The following CNOT6 variants were observed in gnomAD, a reference collection of about 807,000 sequenced individuals.
CNOT6 encodes CCR4-NOT transcription complex subunit 6, also known as carbon catabolite repression 4 protein.
CNOT6 carries 12 observed loss-of-function variants against 61.2 expected under a neutral mutation model. The ratio of observed to expected loss-of-function variants is 0.20; its 90% CI spans 0.13 to 0.32. The LOEUF is 0.32. Among genes scored for constraint, CNOT6 ranks in the 10% least tolerant of loss-of-function variants. The pLI, the probability that CNOT6 is intolerant of heterozygous loss-of-function variation, is 1.00. For synonymous variants in CNOT6, 225 were observed against 240.6 expected, an observed-to-expected ratio of 0.94 and a Z score of 0.60; for missense variants, 405 against 663.9, an observed-to-expected ratio of 0.61 and a Z score of 4.28.
At chr5:180,549,554 C>G (rs1184560264) in intron 2 of CNOT6, among the ~76,000 whole-genome samples, 1 of 151,834 alleles carries the variant, frequency 6.6e-6, no homozygotes, top group African/African-American at 2.4e-5. Flanking sequence ...GAGGCTGAGG[C>G]AGGAGAATGG....
At chr5:180,499,245 G>T (rs1756756493) in intron 1 of CNOT6, among the ~76,000 whole-genome samples, 1 of 152,222 alleles carries the variant, frequency 6.6e-6, no homozygotes, top group Non-Finnish European at 1.5e-5. Context: ...AACAATGAAA[G>T]TTATAAAATG....
intron 1 of CNOT6, among the ~76,000 whole-genome samples, chr5:180,505,007 G>A (rs1007913476): frequency 1.5e-5 from 2 of 134,558 alleles, no homozygotes; most frequent in African/African-American, 2.8e-5. Context: ...TCCCCAGGCT[G>A]GAGTGCAGTG....
chr5:180,515,877 GGA>G (rs1375970165), intron 1 of CNOT6, among the ~76,000 whole-genome samples: 2 of 152,050 alleles, frequency 1.3e-5, no homozygotes, highest in African/African-American at 4.8e-5. Flanking sequence ...CATAGTAAAA[GGA>G]GAGAGAGATG....
intron 9 of CNOT6, among the ~76,000 whole-genome samples, chr5:180,568,280 AAGTAAATATT>A (rs1277071137): frequency 6.6e-6 from 1 of 151,002 alleles, no homozygotes; most frequent in Non-Finnish European, 1.5e-5. Context: ...ATAAATGTTG[AAGTAAATATT>A]AATTAAAATA....
At chr5:180,563,053 C>G (rs549902059) in intron 4 of CNOT6, among the ~76,000 whole-genome samples, 1 of 152,178 alleles carries the variant, frequency 6.6e-6, no homozygotes, top group Non-Finnish European at 1.5e-5. Context: ...ATCCTAGAAT[C>G]TTAAAACCGA....
intron 4 of CNOT6, among the ~76,000 whole-genome samples, chr5:180,563,372 G>A (rs1372554316): frequency 6.8e-6 from 1 of 147,680 alleles, no homozygotes; most frequent in Non-Finnish European, 1.5e-5. Context: ...CCGCCACCAC[G>A]CCTGGCTGTT....
intron 1 of CNOT6, among the ~76,000 whole-genome samples, chr5:180,515,192 A>C (rs1321224850): frequency 6.6e-6 from 1 of 151,844 alleles, no homozygotes; most frequent in East Asian, 1.9e-4. Context: ...TCGAGGCAGG[A>C]GGATCCCTTG....
intron 2 of CNOT6, among the ~76,000 whole-genome samples, chr5:180,536,113 A>G (rs1758682839): frequency 7.1e-6 from 1 of 141,648 alleles, no homozygotes; most frequent in Non-Finnish European, 1.5e-5. Flanking sequence ...CTCCTGCCTC[A>G]GCCTCCTGAG....
rs1759720434 is a variant in CNOT6 at position 180,553,485 on chromosome 5, A to G, written c.385+14A>G. 2 of 1,587,872 alleles carry G rather than the reference A, an allele frequency of 1.3e-6. No individual in the cohort carries two copies. Among genetic ancestry groups the G allele is most frequent in the Non-Finnish European group, 1.7e-6 (2 of 1,156,908 alleles). On this transcript the variant is annotated intron_variant, in intron 4 of 11. Coordinates refer to ENST00000261951, the MANE Select transcript of CNOT6 (RefSeq NM_001370472.1). ...TAGGCCTGAAAGGTATGACTTCCAT[A>G]TTTGTACTTCTTATGGTTTGTGTAT...
intron 2 of CNOT6, among the ~76,000 whole-genome samples, chr5:180,530,652 G>A (rs1199018192): frequency 3.3e-5 from 5 of 152,072 alleles, no homozygotes; most frequent in African/African-American, 1.2e-4. Context: ...ATAGTGGAGG[G>A]AAGGTCAGCA....
chr5:180,556,154 T>C (rs578210084), intron 4 of CNOT6, among the ~76,000 whole-genome samples: 1 of 152,292 alleles, frequency 6.6e-6, no homozygotes, highest in East Asian at 1.9e-4. Flanking sequence ...GAATATTTTG[T>C]GAAATAAGCC....
intron 9 of CNOT6, 115 bp from the exon 10 acceptor site, chr5:180,568,995 G>C: frequency 1.4e-6 from 1 of 730,424 alleles, no homozygotes; most frequent in South Asian, 1.9e-5. Flanking sequence ...GGGAATTTTA[G>C]GTGTCTTTTC....
At chr5:180,550,672 G>T (rs1284137606) in intron 3 of CNOT6, among the ~76,000 whole-genome samples, 1 of 152,098 alleles carries the variant, frequency 6.6e-6, no homozygotes, top group African/African-American at 2.4e-5. Flanking sequence ...AGAAAGTTTG[G>T]ACAGAGAGTG....
intron 4 of CNOT6, among the ~76,000 whole-genome samples, chr5:180,555,610 T>G (rs1312285376): frequency 6.6e-6 from 1 of 152,244 alleles, no homozygotes; most frequent in Non-Finnish European, 1.5e-5. Context: ...CAGTTTACAC[T>G]TTAATTCTAA....
intron 2 of CNOT6, among the ~76,000 whole-genome samples, chr5:180,536,905 G>A (rs1299698788): frequency 1.3e-5 from 2 of 152,328 alleles, no homozygotes; most frequent in South Asian, 2.1e-4. Context: ...ACAGGCATGA[G>A]CCACTGTGCC....
chr5:180,564,830 G>A (rs1430110739), intron 6 of CNOT6, 87 bp downstream of exon 6: 4 of 1,038,332 alleles, frequency 3.9e-6, no homozygotes, highest in Admixed American at 2.2e-5. Context: ...ATTACAGGTA[G>A]CATTAAGACA....
At chr5:180,551,181 C>CA (rs777072557) in intron 3 of CNOT6, among the ~76,000 whole-genome samples, 3,861 of 109,574 alleles carry the variant, frequency 0.035, 61 homozygotes, top group Middle Eastern at 0.064. Flanking sequence ...CTGGTCTCTA[C>CA]AAAAAAAAAA....
intron 2 of CNOT6, among the ~76,000 whole-genome samples, chr5:180,530,905 A>T (rs1353145455): frequency 1.3e-5 from 2 of 152,226 alleles, no homozygotes; most frequent in East Asian, 3.8e-4. Context: ...GATTAACAGC[A>T]TCCCAAGGCA....
intron 2 of CNOT6, among the ~76,000 whole-genome samples, chr5:180,542,117 A>G (rs1034357418): frequency 3.3e-5 from 5 of 152,032 alleles, no homozygotes; most frequent in Admixed American, 1.3e-4. Flanking sequence ...TGGCTGCCTT[A>G]AGAGTCTCTC....
Sources: gnomAD v4.1 joint callset for allele counts (sites outside exome capture counted in the v4.1 genomes callset) on GRCh38, gnomAD v4.1.1 for gene constraint, MANE v1.5 for transcripts, NCBI Gene and HGNC (gene_info 2026-07-23, HGNC 2026-07-21) for gene names.